The following PDE4D variants were observed in gnomAD, a reference collection of about 807,000 sequenced individuals.
The protein encoded by PDE4D is phosphodiesterase 4D.
Under a neutral mutation model 87.4 loss-of-function variants are expected in PDE4D, and 24 were observed. The ratio of observed to expected loss-of-function variants is 0.27; its 90% CI spans 0.20 to 0.39. The LOEUF is 0.39. Among genes scored for constraint, PDE4D ranks in the 10% least tolerant of loss-of-function variants. PDE4D has a pLI of 1.00. For synonymous variants in PDE4D, 384 were observed against 383.2 expected (o/e 1.00, Z -0.02); for missense variants, 714 against 1,041.0 (o/e 0.69, Z 4.32).
At chr5:60,082,690 T>G (rs1774085055) in intron 2 of PDE4D, among the ~76,000 whole-genome samples, 1 of 152,172 alleles carries the variant, frequency 6.6e-6, no homozygotes, top group Non-Finnish European at 1.5e-5. Context: ...AGCCAGGAAG[T>G]GCAATTCTAC....
intron 2 of PDE4D, among the ~76,000 whole-genome samples, chr5:60,063,258 G>A (rs184415226): frequency 1.5e-4 from 23 of 152,106 alleles, no homozygotes; most frequent in African/African-American, 5.5e-4. Flanking sequence ...GTAAACATTA[G>A]GATCCACTCT....
At chr5:59,561,360 C>T (rs1819946723) in intron 1 of PDE4D, among the ~76,000 whole-genome samples, 1 of 152,170 alleles carries the variant, frequency 6.6e-6, no homozygotes, top group Admixed American at 6.5e-5. Flanking sequence ...TAACAAGCTA[C>T]TAGCTCTGAT....
chr5:60,408,443 C>A (rs1741760962), intron 1 of PDE4D, among the ~76,000 whole-genome samples: 1 of 152,194 alleles, frequency 6.6e-6, no homozygotes, highest in East Asian at 1.9e-4. Context: ...CCAACTGAGG[C>A]TCTGAGGCTC....
At chr5:58,979,706 C>A (rs1022080193) in intron 11 of PDE4D, among the ~76,000 whole-genome samples, 4 of 152,144 alleles carry the variant, frequency 2.6e-5, no homozygotes, top group Admixed American at 1.3e-4. Flanking sequence ...ATATAAGTTA[C>A]CTCTTCCATC....
At chr5:59,018,528 T>C (rs1754481791) in intron 6 of PDE4D, among the ~76,000 whole-genome samples, 2 of 152,166 alleles carry the variant, frequency 1.3e-5, no homozygotes, top group South Asian at 4.1e-4. Flanking sequence ...TTAAGATCCT[T>C]AACCAAATAT....
intron 1 of PDE4D, among the ~76,000 whole-genome samples, chr5:59,550,737 G>A (rs891711464): frequency 5.6e-5 from 8 of 142,642 alleles, no homozygotes; most frequent in African/African-American, 1.0e-4. Flanking sequence ...TCACTCTGTC[G>A]CCCAGGCTGA....
At position 59,408,765 on chromosome 5, in the gene PDE4D, G is replaced by C. The variant is rs181248743; in HGVS notation, c.456-192797C>G. ...CATGGAGTCAAAGGAGATTATTTTAGAACTTTAAGATTTAATGACTGTCCT... is the reference window on the plus strand; with the variant it reads ...CATGGAGTCAAAGGAGATTATTTTACAACTTTAAGATTTAATGACTGTCCT... On this transcript the variant is annotated intron_variant, in intron 1 of 14. Transcript: ENST00000340635. Among the ~76,000 whole-genome samples, 116 of 152,314 alleles carry C rather than the reference G, an allele frequency of 7.6e-4. 2 individuals are homozygous for C. The highest frequency in any genetic ancestry group is 4.8e-3 in the Admixed American group (74 of 15,300).
intron 1 of PDE4D, among the ~76,000 whole-genome samples, chr5:59,747,323 A>C (rs1165579944): frequency 6.6e-6 from 1 of 152,170 alleles, no homozygotes; most frequent in Non-Finnish European, 1.5e-5. Flanking sequence ...GCTTAGAGTA[A>C]ATATGGCAGC....
intron 6 of PDE4D, among the ~76,000 whole-genome samples, chr5:59,034,142 T>G (rs1056541881): frequency 6.6e-6 from 1 of 152,198 alleles, no homozygotes; most frequent in African/African-American, 2.4e-5. Context: ...CATATTAACT[T>G]TAAGGTACTA....
intron 2 of PDE4D, among the ~76,000 whole-genome samples, chr5:60,020,261 T>C (rs980370242): frequency 5.9e-5 from 9 of 152,136 alleles, no homozygotes; most frequent in African/African-American, 9.7e-5. Context: ...ACAAAGATCA[T>C]TGGTCACACA....
At chr5:59,561,938 A>AG (rs1820084156) in intron 1 of PDE4D, among the ~76,000 whole-genome samples, 1 of 152,056 alleles carries the variant, frequency 6.6e-6, no homozygotes, top group African/African-American at 2.4e-5. Flanking sequence ...GTCAAAAAAA[A>AG]AAAAAAAAAT....
At chr5:60,213,206 C>T (rs1197403753) in intron 1 of PDE4D, among the ~76,000 whole-genome samples, 1 of 152,186 alleles carries the variant, frequency 6.6e-6, no homozygotes, top group East Asian at 1.9e-4. Context: ...TTAGATTCCA[C>T]CAGTTTCATG....
intron 1 of PDE4D, among the ~76,000 whole-genome samples, chr5:59,771,295 G>T (rs1458293868): frequency 6.6e-6 from 1 of 151,308 alleles, no homozygotes; most frequent in Non-Finnish European, 1.5e-5. Context: ...GATCTTGGAG[G>T]CTGGAGATAT....
chr5:60,271,384 C>A (rs1201105012), intron 1 of PDE4D, among the ~76,000 whole-genome samples: 3 of 152,136 alleles, frequency 2.0e-5, no homozygotes, highest in East Asian at 3.8e-4. Flanking sequence ...TACATGAGAT[C>A]AAGCCCATAG....
intron 5 of PDE4D, among the ~76,000 whole-genome samples, chr5:59,118,037 C>T (rs1173262177): frequency 6.6e-6 from 1 of 152,172 alleles, no homozygotes; most frequent in Non-Finnish European, 1.5e-5. Flanking sequence ...TATGTACACA[C>T]ATTAAAGTGT....
chr5:60,169,015 T>G (rs1422811348), intron 2 of PDE4D, among the ~76,000 whole-genome samples: 1 of 152,214 alleles, frequency 6.6e-6, no homozygotes, highest in Non-Finnish European at 1.5e-5. Flanking sequence ...TTTTTTCATT[T>G]TGTTTATTGT....
chr5:59,673,382 C>A (rs1747536910), intron 1 of PDE4D, among the ~76,000 whole-genome samples: 1 of 152,170 alleles, frequency 6.6e-6, no homozygotes, highest in African/African-American at 2.4e-5. Context: ...GCAAAAGAGA[C>A]CTTCCGAATT....
chr5:59,658,944 G>A (rs535194308), intron 1 of PDE4D, among the ~76,000 whole-genome samples: 8 of 152,126 alleles, frequency 5.3e-5, no homozygotes, highest in South Asian at 4.1e-4. Flanking sequence ...TTGAGGGTAC[G>A]GTGAGCTATG....
chr5:59,548,986 T>G (rs1817702067), intron 1 of PDE4D, among the ~76,000 whole-genome samples: 1 of 152,160 alleles, frequency 6.6e-6, no homozygotes, highest in Non-Finnish European at 1.5e-5. Flanking sequence ...ATTATTATTT[T>G]CAATGTTCAC....
Sources: gnomAD v4.1 joint callset for allele counts (sites outside exome capture counted in the v4.1 genomes callset) on GRCh38, gnomAD v4.1.1 for gene constraint, MANE v1.5 for transcripts, NCBI Gene and HGNC (gene_info 2026-07-23, HGNC 2026-07-21) for gene names.